PLLP: variants seen among roughly 807,000 people sequenced by gnomAD.
PLLP encodes the protein plasma membrane proteolipid (plasmolipin).
Under a neutral mutation model 19.7 loss-of-function variants are expected in PLLP, and 15 were observed. That is an observed-to-expected ratio of 0.76 (90% CI 0.51 to 1.17). The LOEUF is 1.17. Ranked by LOEUF, PLLP falls within the 50% of genes most tolerant of loss-of-function variation. The pLI is 0.00. For missense variants in PLLP, 255 were observed against 258.3 expected (o/e 0.99, Z 0.09); for synonymous variants, 111 against 116.3 (o/e 0.95, Z 0.29).
At chr16:57,268,306 C>G (rs2075463995) in intron 1 of PLLP, among the ~76,000 whole-genome samples, 1 of 152,172 alleles carries the variant, frequency 6.6e-6, no homozygotes, top group African/African-American at 2.4e-5. Context: ...GGTGTCATGA[C>G]CTTGTTCACC....
At chr16:57,270,117 C>T (rs2075469614) in intron 1 of PLLP, among the ~76,000 whole-genome samples, 1 of 152,122 alleles carries the variant, frequency 6.6e-6, no homozygotes, top group African/African-American at 2.4e-5. Context: ...TTTTTAGAAA[C>T]AACGTAACGG....
rs1340278613 is a variant in PLLP at position 57,284,418 on chromosome 16, C to T, written c.123G>A (p.Met41Ile). 4 of 1,422,550 alleles carry T rather than the reference C, an allele frequency of 2.8e-6. No individual in the cohort carries two copies. The highest frequency in any genetic ancestry group is 3.7e-6 in the Non-Finnish European group (4 of 1,087,310). 88.1% of individuals were successfully genotyped at this position (1,422,550 alleles called of 1,614,324 possible). A position where few individuals can be genotyped will look rare whatever the true frequency, so the allele number is the denominator to read the frequency against. ...GFVRSRLGAL[M>I]LLQLVLGLLV... ...CGCGTGCTCTCACCAGCTGCAGCAG[C>T]ATGAGCGCCCCGAGGCGGGAGCGCA... The change falls in exon 1 of 4, where the codon ATG (methionine) becomes ATA (isoleucine). Residue 41 changes from methionine to isoleucine, a missense_variant. Met to Ile is a conservative substitution (Grantham distance 10, BLOSUM62 1). Coordinates refer to ENST00000219207, the MANE Select transcript of PLLP (RefSeq NM_015993.3).
chr16:57,269,273 T>G (rs1001017980), intron 1 of PLLP, among the ~76,000 whole-genome samples: 6 of 152,178 alleles, frequency 3.9e-5, no homozygotes, highest in African/African-American at 1.4e-4. Flanking sequence ...TGAGCTGTCA[T>G]GCAAAGATGG....
At chr16:57,281,635 C>T (rs182495317) in intron 1 of PLLP, among the ~76,000 whole-genome samples, 2 of 151,796 alleles carry the variant, frequency 1.3e-5, no homozygotes, top group African/African-American at 4.8e-5. Context: ...CTCAGCCTCC[C>T]GAGTAGCTGG....
At position 57,262,053 on chromosome 16, in the gene PLLP, C is replaced by T; in HGVS notation, c.153G>A (p.Val51=). Residue 51 remains valine (V), a synonymous_variant, in exon 2 of 4, where the codon GTG becomes GTA. Coordinates refer to ENST00000219207, the MANE Select transcript of PLLP (RefSeq NM_015993.3). ...MLLQLVLGLL[V]WALIADTPYH... ...ACGGGGTGTCCGCAATCAGCGCCCA[C>T]ACCAGCAGCCCCAGCACCTAGGAGG... The T allele has an allele frequency of 6.2e-7, 1 of 1,614,240 alleles. No homozygotes were observed. Among genetic ancestry groups the T allele is most frequent in the Non-Finnish European group, 8.5e-7 (1 of 1,180,048 alleles).
At position 57,261,998 on chromosome 16, in the gene PLLP, T is replaced by C. The variant is rs770543993; in HGVS notation, c.208A>G (p.Met70Val). Residue 70 changes from methionine (M) to valine (V), a missense_variant, in exon 2 of 4, where the codon ATG becomes GTG. Met to Val is a conservative substitution (Grantham distance 21). Coordinates refer to ENST00000219207, the MANE Select transcript of PLLP (RefSeq NM_015993.3). ...AGCCAGAGGAAGACAGCGACGAACA[T>C]CACCCAGCCATAGGCCGGATACAGG... is the stretch of plus-strand genomic sequence containing the variant. ...YHLYPAYGWV[M>V]FVAVFLWLVT... 3.1e-6 allele frequency: 5 copies of C among 1,614,044 alleles called. No homozygotes were observed. Among genetic ancestry groups the C allele is most frequent in the Non-Finnish European group, 4.2e-6 (5 of 1,179,962 alleles).
chr16:57,268,917 CCTCA>C (rs1356950283), intron 1 of PLLP, among the ~76,000 whole-genome samples: 1 of 152,160 alleles, frequency 6.6e-6, no homozygotes, highest in Non-Finnish European at 1.5e-5. Flanking sequence ...GAGGGTGAGG[CCTCA>C]CTGAGAGAAT....
intron 3 of PLLP, among the ~76,000 whole-genome samples, chr16:57,258,167 G>A (rs1402383546): frequency 1.3e-5 from 2 of 152,170 alleles, no homozygotes; most frequent in Non-Finnish European, 2.9e-5. Context: ...AGAGGCAGAG[G>A]TTGCAGTGAG....
intron 2 of PLLP, among the ~76,000 whole-genome samples, chr16:57,261,224 C>G (rs2075440848): frequency 6.6e-6 from 1 of 152,120 alleles, no homozygotes; most frequent in Non-Finnish European, 1.5e-5. Flanking sequence ...AGGCTGGTCT[C>G]AAACTCCTGA....
intron 1 of PLLP, among the ~76,000 whole-genome samples, chr16:57,281,346 C>T (rs1315382837): frequency 4.6e-5 from 7 of 152,140 alleles, no homozygotes; most frequent in Admixed American, 2.6e-4. Flanking sequence ...TGGCAAAGGG[C>T]CTGAGCCTAG....
At position 57,267,830 on chromosome 16, in the gene PLLP, G is replaced by A. The variant is rs141830556; in HGVS notation, c.136-5760C>T. Among the ~76,000 whole-genome samples the A allele has an allele frequency of 7.7e-3, 1,136 of 146,880 alleles. 18 individuals carry two copies. The highest frequency in any genetic ancestry group is 0.027 in the African/African-American group (1,085 of 39,556). On this transcript the variant is annotated intron_variant, in intron 1 of 3. Transcript: ENST00000219207. ...ACAGAGGTTGCAGTGAGCCGAGATC[G>A]CACCACTGCACTCCAGCCTGGGCAA...
intron 2 of PLLP, 72 bp downstream of exon 2, chr16:57,261,825 C>T: frequency 7.1e-7 from 1 of 1,415,190 alleles, no homozygotes; most frequent in Non-Finnish European, 1.0e-6. Context: ...CCCCCCACAC[C>T]CTGCCACTTC....
intron 1 of PLLP, among the ~76,000 whole-genome samples, chr16:57,280,654 T>C (rs1430887110): frequency 1.3e-5 from 2 of 152,220 alleles, no homozygotes; most frequent in Admixed American, 6.5e-5. Context: ...CCTAGGCTGC[T>C]AGGAAGTTCA....
intron 2 of PLLP, 113 bp from the exon 3 acceptor site, chr16:57,258,697 G>T: frequency 9.5e-7 from 1 of 1,055,736 alleles, no homozygotes; most frequent in Non-Finnish European, 1.4e-6. Context: ...TGAAGTGGAA[G>T]GATCGCTTGA....
Position 57,258,469 on chromosome 16 carries a change from G to A in PLLP, c.425C>T (p.Ala142Val). The A allele has an allele frequency of 6.2e-7, 1 of 1,610,782 alleles. No homozygotes were observed. Among genetic ancestry groups the A allele is most frequent in the Non-Finnish European group, 8.5e-7 (1 of 1,179,848 alleles). ...CCTGGGAAGCAGACTCACCGAGGCA[G>A]CCGCGCGCTGGTTATAAGGCCGGGT... ...RGTRPYNQRA[A>V]ASFFACLVMI... Residue 142 changes from alanine (A) to valine (V), a missense_variant, in exon 3 of 4, where the codon GCT becomes GTT. Ala to Val is a moderately conservative substitution (Grantham distance 64). Transcript: ENST00000219207.
intron 1 of PLLP, among the ~76,000 whole-genome samples, chr16:57,268,354 C>T (rs765719896): frequency 6.6e-6 from 1 of 152,174 alleles, no homozygotes; most frequent in Non-Finnish European, 1.5e-5. Flanking sequence ...GAGGGGTGGC[C>T]TATCGACTCC....
chr16:57,257,886 T>C (rs1027303829), intron 3 of PLLP, among the ~76,000 whole-genome samples: 3 of 152,130 alleles, frequency 2.0e-5, no homozygotes, highest in Admixed American at 6.6e-5. Flanking sequence ...CAAGGTTCAA[T>C]AGTCAGCCCA....
In PLLP at chr16:57,258,545, T is replaced by A. The variant is rs1210642854; in HGVS notation, c.349A>T (p.Thr117Ser). The A allele has an allele frequency of 1.2e-6, 2 of 1,613,118 alleles. No homozygotes were observed. Among genetic ancestry groups the A allele is most frequent in the East Asian group, 2.2e-5 (1 of 44,882 alleles). Residue 117 changes from threonine to serine, a missense_variant, in exon 3 of 4, where the codon ACC becomes TCC. Coordinates refer to ENST00000219207, the MANE Select transcript of PLLP (RefSeq NM_015993.3). ...FNISATVLYITAFIACSAAVD... is the reference protein window; with the variant it reads ...FNISATVLYISAFIACSAAVD... ...GCCGCAGAGCAGGCGATGAAGGCGG[T>A]GATGTAGAGAACGGTGGCGCTGATG...
chr16:57,283,265 GA>G (rs562464623), intron 1 of PLLP, among the ~76,000 whole-genome samples: 178 of 152,222 alleles, frequency 1.2e-3, no homozygotes, highest in African/African-American at 4.0e-3. Context: ...AGAGGTTGGG[GA>G]GGGGGCCCAC....
Sources: allele counts gnomAD v4.1 joint callset (sites outside exome capture counted in the v4.1 genomes callset), GRCh38; gene constraint gnomAD v4.1.1; transcripts MANE v1.5; gene names NCBI Gene and HGNC (gene_info 2026-07-23, HGNC 2026-07-21).